CNTN4: variants seen among roughly 807,000 people sequenced by gnomAD.
CNTN4 encodes the protein contactin 4.
Under a neutral mutation model 122.5 loss-of-function variants are expected in CNTN4, and 77 were observed. The observed-to-expected ratio is 0.63, with a 90% CI of 0.52 to 0.76. CNTN4 has a LOEUF of 0.76. CNTN4 is among the 30% of genes least tolerant of loss of function. CNTN4 has a pLI of 0.00. For synonymous variants in CNTN4, 512 were observed against 447.0 expected (o/e 1.15, Z -1.83); for missense variants, 1,256 against 1,259.1 (o/e 1.00, Z 0.04).
intron 3 of CNTN4, among the ~76,000 whole-genome samples, chr3:2,481,079 C>CTCTTTCTTTCTT (rs1464508330): frequency 1.9e-5 from 1 of 53,516 alleles, no homozygotes; most frequent in African/African-American, 7.5e-5. Context: ...CTCTCTTTCT[C>CTCTTTCTTTCTT]TCTTTCTCTC....
intron 14 of CNTN4, among the ~76,000 whole-genome samples, chr3:3,014,874 G>A (rs1055465935): frequency 9.1e-5 from 10 of 109,926 alleles, no homozygotes; most frequent in African/African-American, 3.2e-4. Flanking sequence ...CGTGACCCTC[G>A]ATTGGTTTTT....
intron 3 of CNTN4, among the ~76,000 whole-genome samples, chr3:2,392,209 C>A (rs986355493): frequency 1.3e-5 from 2 of 152,196 alleles, no homozygotes; most frequent in Admixed American, 1.3e-4. Context: ...AAAGCAAAAA[C>A]AACTTTCACG....
chr3:2,552,753 A>G (rs549465708), intron 3 of CNTN4, among the ~76,000 whole-genome samples: 1 of 152,290 alleles, frequency 6.6e-6, no homozygotes, highest in African/African-American at 2.4e-5. Flanking sequence ...CTATGCAGGC[A>G]GTATAATATT....
intron 4 of CNTN4, among the ~76,000 whole-genome samples, chr3:2,636,473 A>G (rs2082663132): frequency 6.6e-6 from 1 of 152,206 alleles, no homozygotes; most frequent in Non-Finnish European, 1.5e-5. Flanking sequence ...GGAATTATTT[A>G]TCTCTACTCT....
chr3:2,283,201 A>T (rs1315440599), intron 2 of CNTN4, among the ~76,000 whole-genome samples: 2 of 152,160 alleles, frequency 1.3e-5, no homozygotes, highest in Non-Finnish European at 2.9e-5. Flanking sequence ...AACAGAGAGT[A>T]CAAAGATCAG....
intron 23 of CNTN4, among the ~76,000 whole-genome samples, chr3:3,048,345 G>A (rs963286025): frequency 1.3e-5 from 2 of 152,190 alleles, no homozygotes; most frequent in East Asian, 1.9e-4. Context: ...GTAATCTAAA[G>A]TTGATTTAAA....
chr3:2,386,233 T>G (rs1206295058), intron 3 of CNTN4, among the ~76,000 whole-genome samples: 2 of 151,388 alleles, frequency 1.3e-5, no homozygotes, highest in Non-Finnish European at 2.9e-5. Flanking sequence ...TTCAAACATT[T>G]GCTTGAATTC....
chr3:2,994,514 C>T (rs1478465527), intron 14 of CNTN4, among the ~76,000 whole-genome samples: 1 of 151,478 alleles, frequency 6.6e-6, no homozygotes, highest in African/African-American at 2.4e-5. Flanking sequence ...GAGCATTTAA[C>T]GGATTCCTTT....
chr3:2,323,966 A>C (rs1291391505), intron 2 of CNTN4, among the ~76,000 whole-genome samples: 1 of 152,166 alleles, frequency 6.6e-6, no homozygotes, highest in Non-Finnish European at 1.5e-5. Context: ...ATTCCTAGAG[A>C]AGGGCTTCTC....
At chr3:2,974,066 G>T (rs1374767935) in intron 13 of CNTN4, among the ~76,000 whole-genome samples, 4 of 152,162 alleles carry the variant, frequency 2.6e-5, no homozygotes, top group Non-Finnish European at 5.9e-5. Context: ...GAAACTCATG[G>T]TTGGTCCTAG....
chr3:3,005,464 G>T (rs1696519739), intron 14 of CNTN4, among the ~76,000 whole-genome samples: 1 of 152,112 alleles, frequency 6.6e-6, no homozygotes, highest in Non-Finnish European at 1.5e-5. Context: ...AATTCTCCCT[G>T]CCAGAAAACA....
intron 14 of CNTN4, among the ~76,000 whole-genome samples, chr3:2,992,818 G>A (rs552339124): frequency 1.8e-4 from 28 of 152,212 alleles, no homozygotes; most frequent in African/African-American, 6.3e-4. Flanking sequence ...ACTATACTTT[G>A]GGAAACACTG....
Position 2,462,197 on chromosome 3 carries a change from A to G in CNTN4, c.-88-109219A>G, listed in dbSNP as rs1400786232. 5.9e-5 allele frequency among the ~76,000 whole-genome samples: 9 copies of G among 152,278 alleles called. No homozygotes were observed. In the East Asian group the frequency reaches 1.7e-3, roughly 29 times the overall value. On this transcript the variant is annotated intron_variant, in intron 3 of 24. Coordinates refer to ENST00000418658, the MANE Select transcript of CNTN4 (RefSeq NM_175607.3). ...CAGTGGCATCCAGCAAAAGATTTCC[A>G]AATCAGGAAAGCAGAGAGTAGCCTC...
At chr3:2,233,689 T>C (rs1316034451) in intron 2 of CNTN4, among the ~76,000 whole-genome samples, 6 of 152,152 alleles carry the variant, frequency 3.9e-5, no homozygotes, top group Non-Finnish European at 7.4e-5. Context: ...AGCCGTATAA[T>C]AGAATCATCC....
chr3:2,696,741 T>G (rs74685671), intron 4 of CNTN4, among the ~76,000 whole-genome samples: 1 of 152,212 alleles, frequency 6.6e-6, no homozygotes, highest in Admixed American at 6.5e-5. Flanking sequence ...CATTTGAGGA[T>G]GCTTCATTGC....
At chr3:2,122,338 C>G (rs1053653712) in intron 2 of CNTN4, among the ~76,000 whole-genome samples, 6 of 151,880 alleles carry the variant, frequency 4.0e-5, no homozygotes, top group Non-Finnish European at 8.8e-5. Flanking sequence ...TATATGGGCA[C>G]ATATAACTGA....
Position 3,040,185 on chromosome 3 carries a change from C to T in CNTN4, c.2312C>T (p.Ser771Phe). The T allele has an allele frequency of 6.2e-7, 1 of 1,614,216 alleles. No homozygotes were observed. The highest frequency in any genetic ancestry group is 8.5e-7 in the Non-Finnish European group (1 of 1,180,028). The change falls in exon 20 of 25, where the codon TCT (serine) becomes TTT (phenylalanine). Residue 771 changes from serine (S) to phenylalanine (F), a missense_variant. By Grantham distance (155) the Ser-to-Phe change is radical. Coordinates refer to ENST00000418658, the MANE Select transcript of CNTN4 (RefSeq NM_175607.3). ...AGGAATGAGAGCGTGCACCCCTTCT[C>T]TCCCTTTGAGGTTAAAGTAGGTGTC... ...VFRNESVHPF[S>F]PFEVKVGVFN... is the part of the protein sequence containing the mutation.
At chr3:2,645,023 T>G (rs1382870) in intron 4 of CNTN4, among the ~76,000 whole-genome samples, 3,603 of 151,988 alleles carry the variant, frequency 0.024, 57 homozygotes, top group African/African-American at 0.044. Flanking sequence ...GGAGCATTGC[T>G]TGATTGTACC....
chr3:2,296,682 A>G (rs2042324173), intron 2 of CNTN4, among the ~76,000 whole-genome samples: 3 of 152,114 alleles, frequency 2.0e-5, no homozygotes, highest in African/African-American at 4.8e-5. Flanking sequence ...TTGATATTGT[A>G]TAGAACAAAA....
Sources: allele counts gnomAD v4.1 joint callset (sites outside exome capture counted in the v4.1 genomes callset), GRCh38; gene constraint gnomAD v4.1.1; transcripts MANE v1.5; gene names NCBI Gene and HGNC (gene_info 2026-07-23, HGNC 2026-07-21).